Variants in HIBCH observed in about 807,000 individuals in gnomAD.
HIBCH encodes the protein 3-hydroxyisobutyryl-CoA hydrolase, mitochondrial.
A neutral mutation model predicts 58.2 loss-of-function variants in HIBCH; 50 were observed. The observed-to-expected ratio is 0.86, with a 90% CI of 0.68 to 1.09. The LOEUF is 1.09. Among genes scored for constraint, HIBCH ranks in the 50% least tolerant of loss-of-function variants. HIBCH has a pLI of 0.00. For synonymous variants in HIBCH, 151 were observed against 146.9 expected (o/e 1.03, Z -0.20); for missense variants, 450 against 449.7 (o/e 1.00, Z -0.01).
chr2:190,233,170 A>G (rs766827476), intron 11 of HIBCH, among the ~76,000 whole-genome samples: 1 of 152,132 alleles, frequency 6.6e-6, no homozygotes, highest in Non-Finnish European at 1.5e-5. Context: ...TTGGAGGAAC[A>G]GTGATTTCTT....
downstream of HIBCH, chr2:190,199,691 T>C: frequency 7.0e-7 from 1 of 1,428,370 alleles, no homozygotes; most frequent in Non-Finnish European, 9.1e-7. Context: ...TACCTTCTCT[T>C]GACAGGTAAA....
chr2:190,231,476 C>G (rs777887792), intron 11 of HIBCH, among the ~76,000 whole-genome samples: 21 of 152,144 alleles, frequency 1.4e-4, no homozygotes, highest in Non-Finnish European at 2.5e-4. Flanking sequence ...AAATCCAACT[C>G]TCATTCAAAA....
At position 190,304,536 on chromosome 2, in the gene HIBCH, C is replaced by T. The variant is rs1688354169; in HGVS notation, c.78+6218G>A. ...CGTGACCCAATCACCTCCCAAAGGC[C>T]TTACCTTTCAATACATCCACACTGG... On this transcript the variant is annotated intron_variant, in intron 2 of 13. Transcript: ENST00000359678. This position sits in a 1 kb window ranked among gnomAD's most constrained non-coding sequence, Gnocchi z 4.1. Among the ~76,000 whole-genome samples the T allele has an allele frequency of 6.6e-6, 1 of 152,158 alleles. No individual in the cohort carries two copies. Among genetic ancestry groups the T allele is most frequent in the Admixed American group, 6.5e-5 (1 of 15,274 alleles).
intron 6 of HIBCH, 136 bp from the exon 7 acceptor site, chr2:190,261,370 G>A (rs941036208): frequency 2.2e-5 from 15 of 669,652 alleles, no homozygotes; most frequent in Middle Eastern, 3.3e-4. Context: ...TCAGGGAATA[G>A]GTTGTCCCCA....
At chr2:190,252,890 C>G (rs933489603) in intron 7 of HIBCH, among the ~76,000 whole-genome samples, 1 of 152,076 alleles carries the variant, frequency 6.6e-6, no homozygotes, top group Non-Finnish European at 1.5e-5. Flanking sequence ...CGGGTAACAA[C>G]TGAAAATAGC....
At chr2:190,318,354 G>A (rs1688758764) in intron 1 of HIBCH, among the ~76,000 whole-genome samples, 2 of 152,176 alleles carry the variant, frequency 1.3e-5, no homozygotes, top group Non-Finnish European at 1.5e-5. Flanking sequence ...GCCAAGGGAG[G>A]CCAGAGTTCA....
Position 190,197,799 on chromosome 2 carries a change from G to C in HIBCH, c.*17+7301C>G, listed in dbSNP as rs1382002383. ...GCACAAATCTGGCACTACTTTGTTA[G>C]GGTAAGAAAAAGCTGCTTTTGCAAA... On this transcript the variant is annotated intron_variant, in intron 1 of 1. Coordinates refer to the HIBCH transcript ENST00000399855. This position sits in a 1 kb window ranked among gnomAD's most constrained non-coding sequence, Gnocchi z 4.0. 1.3e-5 allele frequency among the ~76,000 whole-genome samples: 2 copies of C among 152,166 alleles called. No individual in the cohort carries two copies. The highest frequency in any genetic ancestry group is 4.8e-5 in the African/African-American group (2 of 41,428).
intron 11 of HIBCH, among the ~76,000 whole-genome samples, chr2:190,218,763 C>T (rs1322894179): frequency 6.6e-6 from 1 of 152,176 alleles, no homozygotes; most frequent in Non-Finnish European, 1.5e-5. Context: ...TGGCTCTATA[C>T]CAGGACAGGG....
At chr2:190,276,173 G>T (rs1365840733) in intron 6 of HIBCH, among the ~76,000 whole-genome samples, 1 of 152,198 alleles carries the variant, frequency 6.6e-6, no homozygotes, top group African/African-American at 2.4e-5. Context: ...CTCAAGGCAG[G>T]TTGCTGGTTG....
intron 6 of HIBCH, among the ~76,000 whole-genome samples, chr2:190,268,094 A>C (rs1687291682): frequency 6.6e-6 from 1 of 152,352 alleles, no homozygotes; most frequent in African/African-American, 2.4e-5. Flanking sequence ...CCACAACTAA[A>C]GGCACAATAG....
chr2:190,248,602 C>T (rs1426516287), intron 9 of HIBCH, among the ~76,000 whole-genome samples: 2 of 152,110 alleles, frequency 1.3e-5, no homozygotes, highest in Non-Finnish European at 2.9e-5. Flanking sequence ...GTGCTCATGG[C>T]TATAATCTCA....
chr2:190,238,307 A>C (rs1686343689), intron 11 of HIBCH, among the ~76,000 whole-genome samples: 1 of 152,084 alleles, frequency 6.6e-6, no homozygotes, highest in Non-Finnish European at 1.5e-5. Flanking sequence ...AAGTGTACCT[A>C]TTTCTCTGCA....
Position 190,296,876 on chromosome 2 carries a change from G to A in HIBCH, c.156C>T (p.Asn52=). The A allele has an allele frequency of 1.2e-6, 2 of 1,613,826 alleles. No individual in the cohort carries two copies. The highest frequency in any genetic ancestry group is 1.7e-6 in the Non-Finnish European group (2 of 1,179,730). ...KKGCTGVITL[N]RPKFLNALTL... Reference sequence around the variant, plus strand: ...TCAGTGCATTGAGGAACTTTGGTCTGTTTAGTGTTATGACTCCCGTGCAAC... The same window carrying A: ...TCAGTGCATTGAGGAACTTTGGTCTATTTAGTGTTATGACTCCCGTGCAAC... Residue 52 remains asparagine (N), a synonymous_variant, in exon 3 of 14, where the codon AAC becomes AAT. Coordinates refer to ENST00000359678, the MANE Select transcript of HIBCH (RefSeq NM_014362.4).
chr2:190,253,755 G>T (rs563557245), intron 7 of HIBCH, among the ~76,000 whole-genome samples: 17 of 152,060 alleles, frequency 1.1e-4, no homozygotes, highest in African/African-American at 3.6e-4. Flanking sequence ...AGTCTTCAAG[G>T]CCCCTTACCA....
rs543220779 is a variant in HIBCH, at chr2:190,206,279, C to T, written c.1046-1047G>A. ...TGAGATTCTGGTATCAGATCAGTGG[C>T]GATATTAAATACTGATGTTCTGATC... On this transcript the variant is annotated intron_variant, in intron 13 of 13. Transcript: ENST00000359678. This position sits in a 1 kb window ranked among gnomAD's most constrained non-coding sequence, Gnocchi z 5.1. 2.6e-5 allele frequency among the ~76,000 whole-genome samples: 4 copies of T among 152,076 alleles called. No homozygotes were observed. The highest frequency in any genetic ancestry group is 4.4e-5 in the Non-Finnish European group (3 of 67,980).
chr2:190,191,492 A>G (rs919796567), intron 1 of HIBCH, among the ~76,000 whole-genome samples: 4 of 152,300 alleles, frequency 2.6e-5, no homozygotes, highest in South Asian at 4.1e-4. Context: ...TATCTAGGGT[A>G]AATTTCTAGG....
chr2:190,294,042 A>G (rs1358810531), intron 4 of HIBCH, among the ~76,000 whole-genome samples: 2 of 146,710 alleles, frequency 1.4e-5, no homozygotes, highest in African/African-American at 5.0e-5. Context: ...ATATATATAT[A>G]TATATATATA....
chr2:190,301,690 C>G (rs1164904849), intron 2 of HIBCH, among the ~76,000 whole-genome samples: 1 of 152,160 alleles, frequency 6.6e-6, no homozygotes, highest in African/African-American at 2.4e-5. Context: ...TTATAAAGAA[C>G]AGAAATTTAT....
chr2:190,194,385 AT>A (rs1293877783), intron 1 of HIBCH, among the ~76,000 whole-genome samples: 1 of 151,578 alleles, frequency 6.6e-6, no homozygotes, highest in Non-Finnish European at 1.5e-5. Context: ...TAGTGGGTGT[AT>A]TTTTTAAAAA....
Sources: allele counts gnomAD v4.1 joint callset (sites outside exome capture counted in the v4.1 genomes callset), GRCh38; gene constraint gnomAD v4.1.1; non-coding constraint Gnocchi (gnomAD v3.1); transcripts MANE v1.5; gene names NCBI Gene and HGNC (gene_info 2026-07-23, HGNC 2026-07-21).